CATSPERQ: variants seen among roughly 807,000 people sequenced by gnomAD.
CATSPERQ encodes the protein cation channel sperm-associated auxiliary subunit theta.
At chr8:144,354,159 C>T in the CATSPERQ span, 4 of 1,535,832 alleles carry the variant, frequency 2.6e-6, no homozygotes, top group Non-Finnish European at 3.5e-6. The surrounding 1 kb of genome is among the most constrained non-coding windows in gnomAD (Gnocchi z 4.6). Flanking sequence ...CCTGCGGGCG[C>T]CACGCGGAGA....
the CATSPERQ span, chr8:144,353,501 G>A: frequency 6.5e-7 from 1 of 1,535,528 alleles, no homozygotes; most frequent in South Asian, 1.2e-5. Flanking sequence ...GTTTCCGGGC[G>A]ATGTAACGGC....
chr8:144,354,639 T>TG, the CATSPERQ span: 6 of 1,483,376 alleles, frequency 4.0e-6, no homozygotes, highest in Non-Finnish European at 5.4e-6. The surrounding 1 kb of genome is among the most constrained non-coding windows in gnomAD (Gnocchi z 4.6). Flanking sequence ...GCTGCACGAA[T>TG]GGGTAGAAGC....
chr8:144,353,778 C>T, the CATSPERQ span: 1 of 1,535,540 alleles, frequency 6.5e-7, no homozygotes, highest in African/African-American at 1.4e-5. Context: ...CGGGACCCAC[C>T]TCGTAGTGCT....
At chr8:144,354,912 G>C in the CATSPERQ span, 4 of 1,350,784 alleles carry the variant, frequency 3.0e-6, no homozygotes, top group South Asian at 6.0e-5. The surrounding 1 kb of genome is among the most constrained non-coding windows in gnomAD (Gnocchi z 4.6). Context: ...TGACAGGGCA[G>C]CGAGGCCAGG....
the CATSPERQ span, chr8:144,353,311 C>G: frequency 6.0e-6 from 9 of 1,496,070 alleles, no homozygotes; most frequent in Non-Finnish European, 8.0e-6. Context: ...GGGAGGTTAC[C>G]GAGAACACAG....
At chr8:144,354,478 G>C in the CATSPERQ span, 2 of 1,324,960 alleles carry the variant, frequency 1.5e-6, no homozygotes, top group East Asian at 5.5e-5. The surrounding 1 kb of genome is among the most constrained non-coding windows in gnomAD (Gnocchi z 4.6). Flanking sequence ...CAGGAGCACC[G>C]GCCGGCCCCA....
chr8:144,354,462 C>G, the CATSPERQ span: 7 of 1,305,440 alleles, frequency 5.4e-6, no homozygotes, highest in African/African-American at 3.1e-5. The surrounding 1 kb of genome is among the most constrained non-coding windows in gnomAD (Gnocchi z 4.6). Context: ...GCGGCCTCTC[C>G]GTCCCCAGGA....
chr8:144,353,814 C>A, the CATSPERQ span: 5 of 1,535,644 alleles, frequency 3.3e-6, no homozygotes, highest in Non-Finnish European at 3.5e-6. Flanking sequence ...GCACCAGGGG[C>A]TCCAACCTGT....
At chr8:144,354,609 G>A in the CATSPERQ span, 4 of 1,278,636 alleles carry the variant, frequency 3.1e-6, no homozygotes, top group Non-Finnish European at 3.0e-6. The surrounding 1 kb of genome is among the most constrained non-coding windows in gnomAD (Gnocchi z 4.6). Flanking sequence ...GCCCAGCCTC[G>A]CGCGCACCGT....
the CATSPERQ span, chr8:144,354,441 ACGTCT>A: frequency 7.6e-7 from 1 of 1,315,268 alleles, no homozygotes; most frequent in Non-Finnish European, 1.0e-6. This position sits in a 1 kb window ranked among gnomAD's most constrained non-coding sequence, Gnocchi z 4.6. Flanking sequence ...CGCGGAGGCG[ACGTCT>A]CGCCTGCGGC....
the CATSPERQ span, chr8:144,354,880 G>A: frequency 1.4e-4 from 193 of 1,428,434 alleles, no homozygotes; most frequent in East Asian, 4.7e-3. This position sits in a 1 kb window ranked among gnomAD's most constrained non-coding sequence, Gnocchi z 4.6. Context: ...GGCCCAGGAA[G>A]GAGCAGGAGC....
chr8:144,354,579 G>GAC, the CATSPERQ span: 2 of 255,692 alleles, frequency 7.8e-6, no homozygotes, highest in Non-Finnish European at 1.2e-5. The surrounding 1 kb of genome is among the most constrained non-coding windows in gnomAD (Gnocchi z 4.6). Context: ...GCCCTTCCCA[G>GAC]CCCCGCCCCG....
chr8:144,353,942 C>T, the CATSPERQ span: 1 of 1,530,508 alleles, frequency 6.5e-7, no homozygotes. Flanking sequence ...GCGCACCCTC[C>T]CGGCCCGTTA....
At chr8:144,354,674 G>A in the CATSPERQ span, 2 of 1,535,496 alleles carry the variant, frequency 1.3e-6, no homozygotes, top group Non-Finnish European at 8.7e-7. The surrounding 1 kb of genome is among the most constrained non-coding windows in gnomAD (Gnocchi z 4.6). Flanking sequence ...CGTCTGGCCA[G>A]GTGGCGCTCC....
At chr8:144,354,578 A>AACCCCCCCCCCC in the CATSPERQ span, 2 of 221,150 alleles carry the variant, frequency 9.0e-6, no homozygotes, top group Admixed American at 1.5e-4. The surrounding 1 kb of genome is among the most constrained non-coding windows in gnomAD (Gnocchi z 4.6). Context: ...CGCCCTTCCC[A>AACCCCCCCCCCC]GCCCCGCCCC....
chr8:144,354,126 G>A, the CATSPERQ span: 74 of 1,534,696 alleles, frequency 4.8e-5, no homozygotes, highest in African/African-American at 8.5e-4. The surrounding 1 kb of genome is among the most constrained non-coding windows in gnomAD (Gnocchi z 4.6). Context: ...ACACGAGGAA[G>A]ACCCAGGTCT....
chr8:144,353,724 CAG>C, the CATSPERQ span: 2 of 1,530,152 alleles, frequency 1.3e-6, no homozygotes, highest in Non-Finnish European at 1.8e-6. Context: ...AGACCTTAAA[CAG>C]TGATCGGTGT....
the CATSPERQ span, chr8:144,353,678 T>C: frequency 2.1e-3 from 3,055 of 1,489,144 alleles, 5 homozygotes; most frequent in Non-Finnish European, 2.5e-3. Context: ...GACCGTGTTG[T>C]ATTTACCCTC....
the CATSPERQ span, chr8:144,354,925 G>A: frequency 3.2e-6 from 4 of 1,251,966 alleles, no homozygotes; most frequent in Non-Finnish European, 2.2e-6. This position sits in a 1 kb window ranked among gnomAD's most constrained non-coding sequence, Gnocchi z 4.6. Flanking sequence ...AGGCCAGGGA[G>A]CGGCCCAGGG....
Sources: gnomAD v4.1 joint callset for allele counts on GRCh38, gnomAD v4.1.1 for gene constraint, Gnocchi (gnomAD v3.1) non-coding constraint, MANE v1.5 for transcripts, NCBI Gene and HGNC (gene_info 2026-07-23, HGNC 2026-07-21) for gene names.